Variants in BCL2L13 observed in about 807,000 individuals in gnomAD.
BCL2L13 encodes bcl-2-like protein 13.
A neutral mutation model predicts 25.8 loss-of-function variants in BCL2L13; 13 were observed. That is an observed-to-expected ratio of 0.50 (90% CI 0.33 to 0.80). BCL2L13 has a LOEUF of 0.80. Ranked by LOEUF, BCL2L13 falls within the 30% of genes least tolerant of loss-of-function variation. BCL2L13 has a pLI of 0.02. For missense variants in BCL2L13, 504 were observed against 574.9 expected (o/e 0.88, Z 1.26); for synonymous variants, 244 against 230.3 (o/e 1.06, Z -0.54).
At chr22:17,638,244 TG>T (rs2058147260), upstream of BCL2L13, 1 of 157,976 alleles carries the variant, frequency 6.3e-6, no homozygotes, top group Non-Finnish European at 1.4e-5. Context: ...CTTCATGCCC[TG>T]GCGCCTCTGC....
Position 17,656,252 on chromosome 22 carries a change from AT to A in BCL2L13, c.121+421del, listed in dbSNP as rs1284526394. ...GAGACTCCATCTCAAAAAAAAAAAA[AT>A]ATACACAAAAAAGAATAACCCGTTA... On this transcript the variant is annotated intron_variant, in intron 2 of 6. Coordinates refer to ENST00000317582, the MANE Select transcript of BCL2L13 (RefSeq NM_015367.4). 1.6e-3 allele frequency among the ~76,000 whole-genome samples: 230 copies of A among 148,024 alleles called. 1 individual carries two copies. Among genetic ancestry groups the A allele is most frequent in the African/African-American group, 5.2e-3 (211 of 40,478 alleles).
intron 5 of BCL2L13, among the ~76,000 whole-genome samples, chr22:17,700,070 C>A (rs1042488932): frequency 6.6e-6 from 1 of 151,926 alleles, no homozygotes; most frequent in African/African-American, 2.4e-5. Flanking sequence ...CACCAAGAAG[C>A]GTATTACCAA....
intron 6 of BCL2L13, among the ~76,000 whole-genome samples, chr22:17,719,896 CATT>C (rs1200354112): frequency 6.9e-6 from 1 of 145,344 alleles, no homozygotes; most frequent in Non-Finnish European, 1.5e-5. Flanking sequence ...GCCTTGAAAA[CATT>C]ATGCTAAGTG....
chr22:17,694,853 G>A (rs769248619), intron 4 of BCL2L13, among the ~76,000 whole-genome samples: 13 of 152,176 alleles, frequency 8.5e-5, no homozygotes, highest in Non-Finnish European at 1.3e-4. Context: ...ATCTACAACC[G>A]TCTTCCCTGA....
At position 17,728,531 on chromosome 22, in the gene BCL2L13, C is replaced by G. The variant is rs894772273; in HGVS notation, c.*997C>G. 1.3e-5 allele frequency: 2 copies of G among 152,182 alleles called. No homozygotes were observed. The highest frequency in any genetic ancestry group is 4.8e-5 in the African/African-American group (2 of 41,432). 9.4% of individuals were successfully genotyped at this position (152,182 alleles called of 1,614,324 possible). ...AGCAACATCTCTATTGCTGGATGGT[C>G]CCTGTCTATAACCTTGGGCTAGTAT... On this transcript the variant is annotated 3_prime_UTR_variant, in exon 7 of 7. Coordinates refer to ENST00000317582, the MANE Select transcript of BCL2L13 (RefSeq NM_015367.4).
In BCL2L13 at chr22:17,661,504, G is replaced by A. The variant is rs577960444; in HGVS notation, c.121+5672G>A. 3.4e-5 allele frequency among the ~76,000 whole-genome samples: 5 copies of A among 146,096 alleles called. 1 individual carries two copies. The highest frequency in any genetic ancestry group is 1.4e-4 in the Admixed American group (2 of 14,594). ...AGGATAAAGGTTGAACCTCTGTCCC[G>A]GAGGTTCTTGAAGTGGCTGACAGTC... On this transcript the variant is annotated intron_variant, in intron 2 of 6. Transcript: ENST00000317582.
At chr22:17,708,378 GGCTTGAATCCCA>G (rs748929173) in intron 6 of BCL2L13, among the ~76,000 whole-genome samples, 1 of 152,154 alleles carries the variant, frequency 6.6e-6, no homozygotes, top group Non-Finnish European at 1.5e-5. Context: ...AAACTGCCTG[GGCTTGAATCCCA>G]GCTTTATTAC....
intron 3 of BCL2L13, chr22:17,684,637 C>CA (rs1601648426): frequency 2.2e-6 from 1 of 453,528 alleles, no homozygotes. Flanking sequence ...CATCTCGGCC[C>CA]ACCACAACCT....
chr22:17,687,702 A>G (rs1052005813), intron 3 of BCL2L13, among the ~76,000 whole-genome samples: 6 of 151,798 alleles, frequency 4.0e-5, no homozygotes, highest in African/African-American at 1.2e-4. Context: ...TATTTTTAGT[A>G]GAGACGGGGT....
chr22:17,647,802 G>A (rs893472765), intron 1 of BCL2L13, among the ~76,000 whole-genome samples: 46 of 152,148 alleles, frequency 3.0e-4, no homozygotes, highest in East Asian at 1.9e-4. Flanking sequence ...CAGATGTCAC[G>A]AAGATGTAAT....
At chr22:17,695,216 C>T (rs561196592) in intron 4 of BCL2L13, among the ~76,000 whole-genome samples, 62 of 152,298 alleles carry the variant, frequency 4.1e-4, no homozygotes, top group Non-Finnish European at 7.1e-4. Context: ...CTGGGCTAAC[C>T]ACATGGCCCT....
chr22:17,639,722 G>A (rs1411953319), intron 1 of BCL2L13, among the ~76,000 whole-genome samples: 2 of 152,084 alleles, frequency 1.3e-5, no homozygotes, highest in Non-Finnish European at 1.5e-5. Context: ...TTGTTGTTGC[G>A]TAAAACAAAA....
chr22:17,670,987 A>G (rs1164125027), intron 2 of BCL2L13, among the ~76,000 whole-genome samples: 1 of 152,190 alleles, frequency 6.6e-6, no homozygotes, highest in Non-Finnish European at 1.5e-5. Context: ...AAGACTGGGC[A>G]TAGTGGCTCA....
In BCL2L13 at chr22:17,715,141, TATA is replaced by T. The variant is rs2060884857; in HGVS notation, c.601-11535_601-11533del. Among the ~76,000 whole-genome samples, 2 of 6,938 alleles carry T rather than the reference TATA, an allele frequency of 2.9e-4. 1 individual carries two copies. Among genetic ancestry groups the T allele is most frequent in the Admixed American group, 2.7e-3 (2 of 752 alleles). 4.6% of individuals were successfully genotyped at this position (6,938 alleles called of 152,430 possible). ...TTAATTTTATATATATATATATATA[TATA>T]TATATATATATATATATATATATAT... is the stretch of plus-strand genomic sequence containing the variant. On this transcript the variant is annotated intron_variant, in intron 6 of 6. Coordinates refer to ENST00000317582, the MANE Select transcript of BCL2L13 (RefSeq NM_015367.4).
Position 17,718,529 on chromosome 22 carries a change from C to T in BCL2L13, c.601-8148C>T, listed in dbSNP as rs184598938. On this transcript the variant is annotated intron_variant, in intron 6 of 6. Transcript: ENST00000317582. ...TTAGCATTCATTATTGATGATGGTC[C>T]CAGAAATGTGTAATGGTTTTACATT... Among the ~76,000 whole-genome samples, 217 of 151,956 alleles carry T rather than the reference C, an allele frequency of 1.4e-3. 1 individual carries two copies. The highest frequency in any genetic ancestry group is 4.6e-3 in the African/African-American group (191 of 41,458).
intron 2 of BCL2L13, among the ~76,000 whole-genome samples, chr22:17,672,887 G>C (rs1039189052): frequency 6.6e-6 from 1 of 152,096 alleles, no homozygotes; most frequent in African/African-American, 2.4e-5. Context: ...ATGTGTGTGG[G>C]TGTATGTATG....
At chr22:17,659,359 G>A (rs1278764239) in intron 2 of BCL2L13, among the ~76,000 whole-genome samples, 7 of 143,816 alleles carry the variant, frequency 4.9e-5, no homozygotes, top group South Asian at 2.1e-4. Context: ...GCGAGACTTC[G>A]TCTCAAAAAA....
intron 6 of BCL2L13, among the ~76,000 whole-genome samples, chr22:17,714,956 C>T (rs1425599338): frequency 6.6e-6 from 1 of 151,208 alleles, no homozygotes; most frequent in Non-Finnish European, 1.5e-5. Flanking sequence ...GCCTGGGCAA[C>T]ATAGCAAGAC....
upstream of BCL2L13, among the ~76,000 whole-genome samples, chr22:17,637,812 ACT>A (rs1392111488): frequency 4.6e-5 from 7 of 152,002 alleles, no homozygotes; most frequent in Non-Finnish European, 1.0e-4. Context: ...TAGCAGTTCA[ACT>A]CTTTTATCAC....
Sources: allele counts gnomAD v4.1 joint callset (sites outside exome capture counted in the v4.1 genomes callset), GRCh38; gene constraint gnomAD v4.1.1; transcripts MANE v1.5; gene names NCBI Gene and HGNC (gene_info 2026-07-23, HGNC 2026-07-21).